RFWD3: variants seen among roughly 807,000 people sequenced by gnomAD.
RFWD3 encodes the protein E3 ubiquitin-protein ligase RFWD3.
Under a neutral mutation model 87.7 loss-of-function variants are expected in RFWD3, and 65 were observed. The observed-to-expected ratio is 0.74, with a 90% CI of 0.61 to 0.91. The LOEUF (loss-of-function observed/expected upper bound fraction) is 0.91, where lower values mean the gene tolerates loss of function less well. Ranked by LOEUF, RFWD3 falls within the 40% of genes least tolerant of loss-of-function variation. The pLI is 0.00. For synonymous variants in RFWD3, 433 were observed against 352.8 expected, an observed-to-expected ratio of 1.23 and a Z score of -2.55; for missense variants, 1,078 against 938.5, an observed-to-expected ratio of 1.15 and a Z score of -1.94.
At chr16:74,637,486 G>A (rs1959242235) in intron 7 of RFWD3, among the ~76,000 whole-genome samples, 1 of 152,084 alleles carries the variant, frequency 6.6e-6, no homozygotes, top group Non-Finnish European at 1.5e-5. Flanking sequence ...AATTAGCTGG[G>A]CATGGTGGTG....
intron 11 of RFWD3, among the ~76,000 whole-genome samples, chr16:74,627,273 T>C (rs1958966343): frequency 6.6e-6 from 1 of 152,258 alleles, no homozygotes; most frequent in Non-Finnish European, 1.5e-5. Flanking sequence ...ATACAGTTGT[T>C]ACCTCAGCAT....
At chr16:74,647,623 G>T (rs1209299871) in intron 4 of RFWD3, among the ~76,000 whole-genome samples, 1 of 151,772 alleles carries the variant, frequency 6.6e-6, no homozygotes, top group Non-Finnish European at 1.5e-5. Flanking sequence ...ATGAAGTCGT[G>T]CTCCGTCTCC....
Position 74,622,194 on chromosome 16 carries a change from C to CT in RFWD3, c.*1733dup, listed in dbSNP as rs1958791791. 1 of 152,218 alleles carries CT rather than the reference C, an allele frequency of 6.6e-6. No homozygotes were observed. The highest frequency in any genetic ancestry group is 1.5e-5 in the Non-Finnish European group (1 of 68,044). 9.4% of individuals were successfully genotyped at this position (152,218 alleles called of 1,614,324 possible). A position where few individuals can be genotyped will look rare whatever the true frequency, so the allele number is the denominator to read the frequency against. On this transcript the variant is annotated 3_prime_UTR_variant, in exon 13 of 13. Transcript: ENST00000361070. ...ATCTGCTGAAGCCAGATGAGTTCTG[C>CT]TTTTTAATTCCAATCCTATTCTGCC...
chr16:74,645,144 C>T (rs557967581), intron 4 of RFWD3, among the ~76,000 whole-genome samples: 114 of 152,230 alleles, frequency 7.5e-4, no homozygotes, highest in Non-Finnish European at 1.3e-3. Context: ...TTAAAGAGAC[C>T]ATTTTTCATC....
intron 12 of RFWD3, 101 bp from the exon 13 acceptor site, chr16:74,624,172 A>G: frequency 7.2e-7 from 1 of 1,386,074 alleles, no homozygotes; most frequent in Non-Finnish European, 9.7e-7. Flanking sequence ...CAGAGAGAAC[A>G]CTACCTGGAG....
At chr16:74,646,557 G>A (rs1391443020) in intron 4 of RFWD3, among the ~76,000 whole-genome samples, 1 of 152,156 alleles carries the variant, frequency 6.6e-6, no homozygotes, top group Non-Finnish European at 1.5e-5. Flanking sequence ...GGAGGCCAAG[G>A]CAGGCGGATC....
At chr16:74,649,057 G>T in intron 4 of RFWD3, 75 bp downstream of exon 4, 1 of 942,184 alleles carries the variant, frequency 1.1e-6, no homozygotes, top group South Asian at 1.6e-5. Context: ...ACTCTAGCCT[G>T]GGTGAGAGTG....
chr16:74,662,137 C>A (rs1289347348), intron 1 of RFWD3, among the ~76,000 whole-genome samples: 2 of 149,900 alleles, frequency 1.3e-5, no homozygotes, highest in African/African-American at 5.0e-5. Flanking sequence ...AGTTTTTAAA[C>A]TAAAAAAAAA....
intron 12 of RFWD3, 59 bp from the exon 13 acceptor site, chr16:74,624,130 A>G (rs898875148): frequency 1.3e-6 from 2 of 1,555,748 alleles, no homozygotes; most frequent in Non-Finnish European, 1.7e-6. Context: ...AGGGACTTCC[A>G]TTCTTCATCA....
At chr16:74,631,048 C>A in intron 9 of RFWD3, 91 bp from the exon 10 acceptor site, 1 of 1,200,626 alleles carries the variant, frequency 8.3e-7, no homozygotes, top group South Asian at 1.5e-5. Context: ...GATCATTAAT[C>A]CTTACTGAGA....
chr16:74,653,816 T>C lies in RFWD3; in HGVS notation c.519-1694A>G, dbSNP rs141004151. 2.0e-5 allele frequency among the ~76,000 whole-genome samples: 3 copies of C among 152,348 alleles called. No homozygotes were observed. In the East Asian group the frequency reaches 5.8e-4, roughly 29 times the overall value. ...TTCCTAATAGTTTGGCTGCAATTTA[T>C]TGATGAATTAGGGCTTTGACTAAAT... On this transcript the variant is annotated intron_variant, in intron 2 of 12. Coordinates refer to ENST00000361070, the MANE Select transcript of RFWD3 (RefSeq NM_018124.4).
intron 6 of RFWD3, among the ~76,000 whole-genome samples, chr16:74,643,125 A>T (rs1361544593): frequency 6.6e-6 from 1 of 152,162 alleles, no homozygotes; most frequent in Non-Finnish European, 1.5e-5. Context: ...TACAGTGACT[A>T]CCTATAGAGC....
At chr16:74,666,270 G>T (rs930688605) in intron 1 of RFWD3, 1 of 152,230 alleles carries the variant, frequency 6.6e-6, no homozygotes, top group Non-Finnish European at 1.5e-5. Flanking sequence ...ACTACATGGG[G>T]AAACTTTGGG....
At position 74,624,035 on chromosome 16, in the gene RFWD3, G is replaced by C. The variant is rs1198820824; in HGVS notation, c.2218C>G (p.Leu740Val). ...DAASGSLLQD[L>V]QTDQPVLDIC... ...TCCAACACAGGCTGATCGGTCTGTA[G>C]GTCCTGGAGCAACGAGCCACTGGCA... The change falls in exon 13 of 13, where the codon CTA (leucine) becomes GTA (valine). Residue 740 changes from leucine (L) to valine (V), a missense_variant. Coordinates refer to ENST00000361070, the MANE Select transcript of RFWD3 (RefSeq NM_018124.4). 2.5e-6 allele frequency: 4 copies of C among 1,614,048 alleles called. No individual in the cohort carries two copies. Among genetic ancestry groups the C allele is most frequent in the Admixed American group, 1.7e-5 (1 of 60,002 alleles).
In RFWD3 at chr16:74,644,393, A is replaced by G. The variant is rs768929061; in HGVS notation, c.1048T>C (p.Leu350=). ...ATGCGCTCCTGTTCACTAGTGTCCA[A>G]AGCTCTCAGGGTTCGGGCATAAAGG... The part of the protein sequence containing the change: ...VVLYARTLRA[L]DTSEQERMKS... Residue 350 remains leucine (L), a synonymous_variant, in exon 6 of 13, where the codon TTG becomes CTG. Coordinates refer to ENST00000361070, the MANE Select transcript of RFWD3 (RefSeq NM_018124.4). The G allele has an allele frequency of 1.3e-5, 21 of 1,614,154 alleles. No individual in the cohort carries two copies. Among genetic ancestry groups the G allele is most frequent in the Non-Finnish European group, 1.7e-5 (20 of 1,180,024 alleles).
At chr16:74,660,226 C>T (rs1242334069) in intron 2 of RFWD3, among the ~76,000 whole-genome samples, 1 of 152,224 alleles carries the variant, frequency 6.6e-6, no homozygotes, top group Non-Finnish European at 1.5e-5. Context: ...GCGGAGATCG[C>T]ACCACTGCGC....
rs1959138467 is a variant in RFWD3, at chr16:74,632,667, C to T, written c.1433G>A (p.Gly478Asp). 1.9e-6 allele frequency: 3 copies of T among 1,614,018 alleles called. No individual in the cohort carries two copies. The highest frequency in any genetic ancestry group is 2.5e-6 in the Non-Finnish European group (3 of 1,179,962). The stretch of plus-strand genomic sequence containing the variant: ...GTTGGCAGTACTCAACATCTTAACA[C>T]CAAAGCCTGAAAAAGGCAAAATAGT... Reference protein sequence around the residue: ...SPQASFLPGFGVKMLSTANMK... With the variant: ...SPQASFLPGFDVKMLSTANMK... Residue 478 changes from glycine to aspartate, a missense_variant, in exon 9 of 13, where the codon GGT becomes GAT. Transcript: ENST00000361070.
chr16:74,664,818 A>C (rs7342732), intron 1 of RFWD3: 107,659 of 151,982 alleles, frequency 0.71, 38,835 homozygotes, highest in African/African-American at 0.84. Context: ...TGCTAGAAAC[A>C]CACATAGGGC....
chr16:74,639,484 G>C (rs189614819), intron 6 of RFWD3, among the ~76,000 whole-genome samples: 5 of 152,288 alleles, frequency 3.3e-5, no homozygotes, highest in African/African-American at 1.2e-4. Flanking sequence ...AAAAGGCTAG[G>C]CAGGATCTTT....
Sources: gnomAD v4.1 joint callset for allele counts (sites outside exome capture counted in the v4.1 genomes callset) on GRCh38, gnomAD v4.1.1 for gene constraint, MANE v1.5 for transcripts, NCBI Gene and HGNC (gene_info 2026-07-23, HGNC 2026-07-21) for gene names.